ARHGAP8: variants seen among roughly 807,000 people sequenced by gnomAD.
ARHGAP8 encodes the protein rho GTPase-activating protein 8.
In ARHGAP8, 62 loss-of-function variants were observed where a neutral mutation model predicts 46.1. The observed-to-expected ratio is 1.34, with a 90% CI of 1.10 to 1.66. ARHGAP8 has a LOEUF of 1.66. Ranked by LOEUF, ARHGAP8 falls within the 40% of genes most tolerant of loss-of-function variation. The probability of loss-of-function intolerance (pLI) is 0.00; values close to 1 mark genes in which losing one functional copy is unlikely to be tolerated. For synonymous variants in ARHGAP8, 375 were observed against 243.1 expected, an observed-to-expected ratio of 1.54 and a Z score of -5.05; for missense variants, 923 against 568.4, an observed-to-expected ratio of 1.62 and a Z score of -6.34.
At chr22:44,786,746 G>A in intron 2 of ARHGAP8, 140 bp downstream of exon 2, 1 of 1,301,940 alleles carries the variant, frequency 7.7e-7, no homozygotes, top group Admixed American at 2.7e-5. Flanking sequence ...CAGGTGCAGT[G>A]GCTCATACCT....
intron 10 of ARHGAP8, among the ~76,000 whole-genome samples, chr22:44,854,071 C>A (rs2070162920): frequency 7.7e-6 from 1 of 129,424 alleles, no homozygotes; most frequent in African/African-American, 3.0e-5. Flanking sequence ...AACCATCAGA[C>A]TTTGCCTGCA....
chr22:44,853,116 TTA>T (rs10532546), intron 10 of ARHGAP8, among the ~76,000 whole-genome samples: 38,794 of 151,986 alleles, frequency 0.26, 6,611 homozygotes, highest in African/African-American at 0.49. Context: ...CTCCATTTTT[TTA>T]GTCAGGAGAA....
Position 44,845,293 on chromosome 22 carries a change from A to G in ARHGAP8, c.621A>G (p.Glu207=). 1.2e-6 allele frequency: 2 copies of G among 1,614,120 alleles called. No homozygotes were observed. The highest frequency in any genetic ancestry group is 2.2e-5 in the East Asian group (1 of 44,878). The change falls in exon 8 of 12, where the codon GAA becomes GAG. Residue 207 remains glutamate, a synonymous_variant. Transcript: ENST00000356099. ...LQYLKDKNQG[E]LIPPVLRFTV... is the part of the protein sequence containing the mutation. ...GCCTCAAAGACAAAAATCAAGGCGA[A>G]CTCATCCCCCCTGTGCTGAGGTTCA...
intron 1 of ARHGAP8, among the ~76,000 whole-genome samples, chr22:44,771,973 T>C (rs1410341358): frequency 6.6e-6 from 1 of 152,164 alleles, no homozygotes; most frequent in East Asian, 1.9e-4. Context: ...GCTATCACTG[T>C]TCATTGTTCT....
chr22:44,851,668 A>G (rs2070097341), intron 10 of ARHGAP8, among the ~76,000 whole-genome samples: 1 of 152,094 alleles, frequency 6.6e-6, no homozygotes, highest in South Asian at 2.1e-4. Flanking sequence ...GTGAGACCCC[A>G]TCTCTACAAA....
chr22:44,834,279 A>G (rs1166185217), intron 7 of ARHGAP8, among the ~76,000 whole-genome samples: 2 of 152,156 alleles, frequency 1.3e-5, no homozygotes, highest in South Asian at 2.1e-4. Flanking sequence ...ATCTATGGCT[A>G]TAAATTACTA....
intron 1 of ARHGAP8, among the ~76,000 whole-genome samples, chr22:44,781,798 T>G (rs1050786717): frequency 6.6e-6 from 1 of 152,152 alleles, no homozygotes; most frequent in African/African-American, 2.4e-5. Context: ...GTGCTGGGAT[T>G]GCAGGCGTGA....
chr22:44,796,472 A>G (rs1459947546), intron 2 of ARHGAP8, among the ~76,000 whole-genome samples: 2 of 139,302 alleles, frequency 1.4e-5, no homozygotes, highest in African/African-American at 5.5e-5. Context: ...TTTGTTATTC[A>G]TGGCGGGGGT....
chr22:44,859,748 C>T lies in ARHGAP8; in HGVS notation c.895C>T (p.Arg299Cys), dbSNP rs9626585. 5,686 of 1,613,796 alleles carry T rather than the reference C, an allele frequency of 3.5e-3. 123 individuals carry two copies. In the African/African-American group the frequency reaches 0.059, roughly 17 times the overall value. The change falls in exon 11 of 12, where the codon CGT (arginine) becomes TGT (cysteine). Residue 299 changes from arginine (R) to cysteine (C), a missense_variant. By Grantham distance (180) the Arg-to-Cys change is radical (BLOSUM62 -3). Coordinates refer to ENST00000356099, the MANE Select transcript of ARHGAP8 (RefSeq NM_181335.3). ...CCTTCCAGGTGTGGAGAGCAGCCTG[C>T]GTGTCACTGGCTGCCGCCAGATCTT... ...LGITCVESSLRVTGCRQILRS... is the reference protein window; with the variant it reads ...LGITCVESSLCVTGCRQILRS...
intron 1 of ARHGAP8, chr22:44,765,241 A>G (rs1569133604): frequency 1.3e-5 from 2 of 152,328 alleles, no homozygotes; most frequent in African/African-American, 2.4e-5. Context: ...TGTCTCCTGC[A>G]AGGCTTTGAA....
intron 1 of ARHGAP8, among the ~76,000 whole-genome samples, chr22:44,757,805 ATTTTTT>A (rs132444): frequency 8.0e-5 from 11 of 137,012 alleles, no homozygotes; most frequent in South Asian, 2.4e-4. Flanking sequence ...TGCCTGGCTA[ATTTTTT>A]TTTTTTTTTT....
At chr22:44,817,664 TGTG>T (rs1219295713) in intron 5 of ARHGAP8, among the ~76,000 whole-genome samples, 8 of 151,056 alleles carry the variant, frequency 5.3e-5, no homozygotes, top group African/African-American at 2.0e-4. Flanking sequence ...AATTAGCGGG[TGTG>T]GTGGTGGGCG....
At chr22:44,850,180 C>T (rs1473413372) in intron 10 of ARHGAP8, 4 of 152,202 alleles carry the variant, frequency 2.6e-5, no homozygotes, top group Admixed American at 6.5e-5. Flanking sequence ...CACCCATTTA[C>T]TCAGCAGTGC....
chr22:44,780,299 G>A (rs758547734), intron 1 of ARHGAP8, among the ~76,000 whole-genome samples: 19 of 151,724 alleles, frequency 1.3e-4, no homozygotes, highest in Non-Finnish European at 2.4e-4. Flanking sequence ...CAAGGCTGCA[G>A]TGAGCTGTGA....
At chr22:44,786,881 GTGTTGCATGCC>G (rs1447180343) in intron 2 of ARHGAP8, among the ~76,000 whole-genome samples, 1 of 152,054 alleles carries the variant, frequency 6.6e-6, no homozygotes, top group Non-Finnish European at 1.5e-5. Flanking sequence ...GCCGAGCATG[GTGTTGCATGCC>G]TGTATTCCCA....
intron 1 of ARHGAP8, among the ~76,000 whole-genome samples, chr22:44,762,097 AG>A (rs1484646142): frequency 4.6e-5 from 7 of 152,186 alleles, no homozygotes; most frequent in Non-Finnish European, 8.8e-5. Flanking sequence ...GTCTTAACAG[AG>A]ATCAGAAGGA....
At chr22:44,828,195 T>C (rs900026336) in intron 7 of ARHGAP8, among the ~76,000 whole-genome samples, 1 of 152,228 alleles carries the variant, frequency 6.6e-6, no homozygotes, top group East Asian at 1.9e-4. Context: ...TGAAATAGAA[T>C]GTTCACCCCA....
chr22:44,760,824 G>T (rs1925072408), intron 1 of ARHGAP8, among the ~76,000 whole-genome samples: 1 of 152,198 alleles, frequency 6.6e-6, no homozygotes, highest in South Asian at 2.1e-4. Context: ...CTAATGAGGG[G>T]CTGCAGCTGG....
intron 10 of ARHGAP8, among the ~76,000 whole-genome samples, chr22:44,857,195 C>T (rs762665043): frequency 6.7e-6 from 1 of 149,846 alleles, no homozygotes; most frequent in Non-Finnish European, 1.5e-5. Flanking sequence ...CCACCTCGGC[C>T]TCTGAAAGTG....
Sources: allele counts gnomAD v4.1 joint callset (sites outside exome capture counted in the v4.1 genomes callset), GRCh38; gene constraint gnomAD v4.1.1; transcripts MANE v1.5; gene names NCBI Gene and HGNC (gene_info 2026-07-23, HGNC 2026-07-21).